Variants in DGKB observed in about 807,000 individuals in gnomAD.
DGKB encodes the protein diacylglycerol kinase beta.
DGKB carries 67 observed loss-of-function variants against 114.3 expected under a neutral mutation model. That is an observed-to-expected ratio of 0.59 (90% CI 0.48 to 0.72). DGKB has a LOEUF of 0.72. Among genes scored for constraint, DGKB ranks in the 30% least tolerant of loss-of-function variants. DGKB has a pLI of 0.00. For synonymous variants in DGKB, 398 were observed against 323.1 expected, an observed-to-expected ratio of 1.23 and a Z score of -2.49; for missense variants, 907 against 975.2, an observed-to-expected ratio of 0.93 and a Z score of 0.93.
intron 4 of DGKB, among the ~76,000 whole-genome samples, chr7:14,737,883 A>G (rs1431384778): frequency 5.0e-5 from 7 of 139,860 alleles, no homozygotes; most frequent in Non-Finnish European, 4.5e-5. Flanking sequence ...ATAGAGTGAG[A>G]CTCCGTCTCA....
At chr7:14,288,892 T>C (rs1801305165) in intron 23 of DGKB, among the ~76,000 whole-genome samples, 1 of 152,200 alleles carries the variant, frequency 6.6e-6, no homozygotes, top group Admixed American at 6.5e-5. Flanking sequence ...CCATATGCAC[T>C]GTTGCTCTTG....
At chr7:14,737,386 C>T (rs1468640966) in intron 4 of DGKB, among the ~76,000 whole-genome samples, 1 of 144,856 alleles carries the variant, frequency 6.9e-6, no homozygotes, top group Non-Finnish European at 1.5e-5. Context: ...ACATTGCTGG[C>T]AGGTAAGAAT....
At chr7:14,149,325 G>T in intron 25 of DGKB, 87 bp from the exon 26 acceptor site, 1 of 930,778 alleles carries the variant, frequency 1.1e-6, no homozygotes. Context: ...CTCTGTTAAG[G>T]TTAATAATAT....
rs116489255 is a variant in DGKB, at chr7:14,724,023, C to G, written c.323-5338G>C. On this transcript the variant is annotated intron_variant, in intron 5 of 25. Coordinates refer to ENST00000402815, the MANE Select transcript of DGKB (RefSeq NM_001350709.2). ...GTCCAGTTTGTTTCATTTTCAAACA[C>G]TTGCATTTCATATAATGTAAACAGT... Among the ~76,000 whole-genome samples, 1,279 of 152,256 alleles carry G rather than the reference C, an allele frequency of 8.4e-3. 21 individuals are homozygous for G. Among genetic ancestry groups the G allele is most frequent in the African/African-American group, 0.029 (1,197 of 41,554 alleles).
intron 23 of DGKB, among the ~76,000 whole-genome samples, chr7:14,244,498 T>A: frequency 9.9e-6 from 1 of 101,148 alleles, no homozygotes; most frequent in Non-Finnish European, 2.0e-5. Context: ...CTACTAAAAG[T>A]ACAAAAAGAA....
chr7:14,842,681 G>A (rs911020949), intron 1 of DGKB, among the ~76,000 whole-genome samples: 6 of 152,142 alleles, frequency 3.9e-5, no homozygotes, highest in Non-Finnish European at 8.8e-5. Flanking sequence ...GTTTTGGTGG[G>A]ACTGTGAAAT....
At chr7:14,930,998 G>T (rs1784988628) in intron 1 of DGKB, among the ~76,000 whole-genome samples, 1 of 151,740 alleles carries the variant, frequency 6.6e-6, no homozygotes, top group Non-Finnish European at 1.5e-5. Context: ...TTTATGTGTT[G>T]TATCACATTT....
intron 7 of DGKB, among the ~76,000 whole-genome samples, chr7:14,701,341 A>G (rs1825135569): frequency 6.6e-6 from 1 of 152,216 alleles, no homozygotes; most frequent in African/African-American, 2.4e-5. Context: ...AATGTTACAG[A>G]TAGTTTTTCC....
intron 5 of DGKB, among the ~76,000 whole-genome samples, chr7:14,729,874 G>A (rs1294940584): frequency 5.3e-5 from 8 of 152,124 alleles, no homozygotes; most frequent in South Asian, 2.1e-4. Flanking sequence ...TAAATAAATA[G>A]ATAGGATGCA....
intron 13 of DGKB, among the ~76,000 whole-genome samples, chr7:14,643,289 C>A (rs1353990626): frequency 6.6e-6 from 1 of 152,092 alleles, no homozygotes; most frequent in Non-Finnish European, 1.5e-5. Context: ...AGAGAAAAGC[C>A]CCTCTGCCCT....
intron 1 of DGKB, among the ~76,000 whole-genome samples, chr7:14,920,534 T>C (rs1784462292): frequency 6.6e-6 from 1 of 152,238 alleles, no homozygotes; most frequent in Admixed American, 6.5e-5. Flanking sequence ...CAGAACTTCA[T>C]TCATTGCTAG....
At chr7:14,408,460 T>C (rs1270130733) in intron 21 of DGKB, among the ~76,000 whole-genome samples, 5 of 152,050 alleles carry the variant, frequency 3.3e-5, no homozygotes, top group Admixed American at 2.0e-4. Context: ...AGGGTAAAAT[T>C]AACCACAATA....
At chr7:14,496,290 G>C (rs558242422) in intron 20 of DGKB, among the ~76,000 whole-genome samples, 1 of 151,462 alleles carries the variant, frequency 6.6e-6, no homozygotes, top group East Asian at 1.9e-4. Context: ...ATTTGTTCTT[G>C]GGTTTTTATG....
intron 20 of DGKB, among the ~76,000 whole-genome samples, chr7:14,501,252 A>T (rs17168227): frequency 0.057 from 8,711 of 151,934 alleles, 653 homozygotes; most frequent in African/African-American, 0.17. Flanking sequence ...TAGAACTCTT[A>T]AGAGAATGCT....
exon 1 of DGKB, chr7:14,974,763 G>T (rs1787692445): frequency 6.6e-6 from 1 of 152,026 alleles, no homozygotes; most frequent in African/African-American, 2.4e-5. Context: ...TAGCCAGTAA[G>T]GTACTAATTT....
intron 21 of DGKB, among the ~76,000 whole-genome samples, chr7:14,410,660 C>T (rs903880224): frequency 3.3e-5 from 5 of 151,902 alleles, no homozygotes; most frequent in South Asian, 2.1e-4. Context: ...TGTGCACATA[C>T]GTATCCCACA....
chr7:14,233,345 T>C (rs1252708455), intron 23 of DGKB, among the ~76,000 whole-genome samples: 1 of 152,070 alleles, frequency 6.6e-6, no homozygotes, highest in Admixed American at 6.6e-5. Context: ...TCTGTCTCTC[T>C]TTTTCTTTGC....
At chr7:14,809,165 A>G (rs905023306) in intron 2 of DGKB, among the ~76,000 whole-genome samples, 1 of 152,082 alleles carries the variant, frequency 6.6e-6, no homozygotes, top group Non-Finnish European at 1.5e-5. Flanking sequence ...ATCTCAAAAG[A>G]AATTCTATCC....
At chr7:14,574,894 A>G (rs552836067) in intron 19 of DGKB, among the ~76,000 whole-genome samples, 2 of 152,274 alleles carry the variant, frequency 1.3e-5, no homozygotes, top group South Asian at 2.1e-4. Flanking sequence ...TTCGTTTCTT[A>G]TTCTGTCTAC....
Sources: gnomAD v4.1 joint callset for allele counts (sites outside exome capture counted in the v4.1 genomes callset) on GRCh38, gnomAD v4.1.1 for gene constraint, MANE v1.5 for transcripts, NCBI Gene and HGNC (gene_info 2026-07-23, HGNC 2026-07-21) for gene names.